The following EFR3A variants were observed in gnomAD, a reference collection of about 807,000 sequenced individuals.
EFR3A encodes the protein protein EFR3 homolog A.
In EFR3A, 76 loss-of-function variants were observed where a neutral mutation model predicts 104.4. That is an observed-to-expected ratio of 0.73 (90% confidence interval 0.60 to 0.88). The LOEUF is 0.88. Ranked by LOEUF, EFR3A falls within the 40% of genes least tolerant of loss-of-function variation. The pLI is 0.00. For missense variants in EFR3A, 985 were observed against 1,012.5 expected, an observed-to-expected ratio of 0.97 and a Z score of 0.37; for synonymous variants, 330 against 330.0, an observed-to-expected ratio of 1.00 and a Z score of 0.00.
Position 132,003,249 on chromosome 8 carries a change from A to G in EFR3A, c.2324A>G (p.His775Arg), listed in dbSNP as rs750719994. 3 of 1,612,792 alleles carry G rather than the reference A, an allele frequency of 1.9e-6. No individual in the cohort carries two copies. The highest frequency in any genetic ancestry group is 2.5e-6 in the Non-Finnish European group (3 of 1,179,342). The change falls in exon 22 of 23, where the codon CAT (histidine) becomes CGT (arginine). Residue 775 changes from histidine to arginine, a missense_variant. Coordinates refer to ENST00000254624, the MANE Select transcript of EFR3A (RefSeq NM_015137.6). ...TCTTTTTTGCAGGCAAATTTGCTTC[A>G]TGATAGACTTGCCCAAATATTGGAA... is the stretch of plus-strand genomic sequence containing the variant. ...AQCESKANLL[H>R]DRLAQILELT...
At chr8:131,976,890 C>A in intron 11 of EFR3A, 151 bp from the exon 12 acceptor site, 1 of 484,426 alleles carries the variant, frequency 2.1e-6, no homozygotes, top group Non-Finnish European at 3.5e-6. Context: ...TGAAATTTTA[C>A]TTTGGCATGT....
At chr8:131,924,606 A>G (rs1382506256) in intron 1 of EFR3A, among the ~76,000 whole-genome samples, 1 of 152,146 alleles carries the variant, frequency 6.6e-6, no homozygotes. Context: ...ACTCCAGAAC[A>G]TCCTGTTTCC....
In EFR3A at chr8:131,952,310, A is replaced by G. The variant is rs192892358; in HGVS notation, c.489-1508A>G. ...ATGCTGTAGATGTGACAGTTGTTCTATTTTACTGATGGGAAACTGTAGAAT... is the reference window on the plus strand; with the variant it reads ...ATGCTGTAGATGTGACAGTTGTTCTGTTTTACTGATGGGAAACTGTAGAAT... On this transcript the variant is annotated intron_variant, in intron 5 of 22. Coordinates refer to ENST00000254624, the MANE Select transcript of EFR3A (RefSeq NM_015137.6). Among the ~76,000 whole-genome samples, 200 of 152,246 alleles carry G rather than the reference A, an allele frequency of 1.3e-3. 1 individual carries two copies. The highest frequency in any genetic ancestry group is 4.5e-3 in the African/African-American group (188 of 41,552).
At chr8:131,925,296 T>C (rs1240274954) in intron 1 of EFR3A, among the ~76,000 whole-genome samples, 1 of 152,180 alleles carries the variant, frequency 6.6e-6, no homozygotes, top group African/African-American at 2.4e-5. Flanking sequence ...TTGTTATGCA[T>C]TATAAATTGT....
In EFR3A at chr8:132,013,406, C is replaced by T. The variant is rs1233414639; in HGVS notation, c.*2511C>T. The T allele has an allele frequency of 6.6e-6, 1 of 152,478 alleles. No homozygotes were observed. Among genetic ancestry groups the T allele is most frequent in the Non-Finnish European group, 1.5e-5 (1 of 68,002 alleles). 9.4% of individuals were successfully genotyped at this position (152,478 alleles called of 1,614,324 possible). Reference sequence around the variant, plus strand: ...AGAATAATAATACTACTACACTTTACCAGCAATTAACTTCTCCCTACCCAA... The same window carrying T: ...AGAATAATAATACTACTACACTTTATCAGCAATTAACTTCTCCCTACCCAA... On this transcript the variant is annotated 3_prime_UTR_variant, in exon 23 of 23. Transcript: ENST00000254624.
At chr8:131,959,725 CACATTAT>C (rs1819208817) in intron 8 of EFR3A, 62 bp downstream of exon 8, 1 of 1,173,928 alleles carries the variant, frequency 8.5e-7, no homozygotes, top group African/African-American at 1.5e-5. Context: ...TATGGATAAG[CACATTAT>C]CAAACAGATG....
chr8:131,966,108 G>A (rs765354116), intron 8 of EFR3A, among the ~76,000 whole-genome samples: 3 of 152,024 alleles, frequency 2.0e-5, no homozygotes, highest in South Asian at 2.1e-4. Context: ...TATACCTAAC[G>A]TAAATGACGA....
At chr8:131,960,883 C>A (rs1433609691) in intron 8 of EFR3A, among the ~76,000 whole-genome samples, 8 of 152,158 alleles carry the variant, frequency 5.3e-5, no homozygotes, top group Admixed American at 5.2e-4. Context: ...TTTCTGCAGG[C>A]AGCAACATTT....
At chr8:131,996,235 C>T (rs1252320185) in intron 18 of EFR3A, among the ~76,000 whole-genome samples, 171 bp from the exon 19 acceptor site, 4 of 151,804 alleles carry the variant, frequency 2.6e-5, no homozygotes, top group African/African-American at 4.8e-5. Context: ...ATCTGCTTCA[C>T]GAAATGTAAA....
At chr8:131,992,638 T>C (rs1445378474) in intron 18 of EFR3A, among the ~76,000 whole-genome samples, 1 of 152,164 alleles carries the variant, frequency 6.6e-6, no homozygotes, top group Non-Finnish European at 1.5e-5. Context: ...TTTAACACTT[T>C]AAGGAAGCGA....
At chr8:131,997,171 A>G (rs1393734925) in intron 19 of EFR3A, among the ~76,000 whole-genome samples, 3 of 152,050 alleles carry the variant, frequency 2.0e-5, no homozygotes, top group Non-Finnish European at 4.4e-5. Flanking sequence ...TCACCAGAGA[A>G]TTTTTTCATA....
At chr8:131,976,475 G>T (rs80212798) in intron 11 of EFR3A, among the ~76,000 whole-genome samples, 3 of 151,908 alleles carry the variant, frequency 2.0e-5, no homozygotes, top group Non-Finnish European at 4.4e-5. Context: ...AGAAATATTG[G>T]CTTATTCCTA....
At chr8:131,918,966 A>G (rs550839410) in intron 1 of EFR3A, among the ~76,000 whole-genome samples, 19 of 152,308 alleles carry the variant, frequency 1.2e-4, no homozygotes, top group African/African-American at 4.6e-4. Flanking sequence ...GATCCTAGTC[A>G]TTGCCTGTGA....
chr8:131,958,880 CT>C (rs1819161840), intron 7 of EFR3A, among the ~76,000 whole-genome samples: 1 of 152,150 alleles, frequency 6.6e-6, no homozygotes, highest in African/African-American at 2.4e-5. Context: ...ACCTTATATA[CT>C]TTATCTTACT....
intron 19 of EFR3A, chr8:132,000,888 G>T (rs1376669932): frequency 1.3e-5 from 2 of 152,158 alleles, no homozygotes; most frequent in African/African-American, 2.4e-5. Flanking sequence ...CCTTTGTATT[G>T]CAGAGAAGCT....
At chr8:131,956,215 T>C (rs913666574) in intron 7 of EFR3A, among the ~76,000 whole-genome samples, 7 of 152,212 alleles carry the variant, frequency 4.6e-5, no homozygotes, top group Admixed American at 3.9e-4. Flanking sequence ...AAACAGTGTC[T>C]AAGCATGATG....
intron 10 of EFR3A, among the ~76,000 whole-genome samples, chr8:131,971,406 A>G (rs1407333914): frequency 2.0e-5 from 3 of 152,168 alleles, no homozygotes; most frequent in African/African-American, 7.2e-5. Flanking sequence ...CCTTGTGATT[A>G]GGCCGTGCGC....
At chr8:131,980,862 T>C (rs904665446) in intron 14 of EFR3A, among the ~76,000 whole-genome samples, 3 of 152,088 alleles carry the variant, frequency 2.0e-5, no homozygotes, top group Non-Finnish European at 2.9e-5. Flanking sequence ...CATTCTCTAC[T>C]TCTGTGAGTT....
At chr8:131,975,847 G>A (rs78557957) in intron 10 of EFR3A, among the ~76,000 whole-genome samples, 180 bp from the exon 11 acceptor site, 3,358 of 152,086 alleles carry the variant, frequency 0.022, 60 homozygotes, top group African/African-American at 0.045. Context: ...AGTTTATATT[G>A]TACATAACTA....
Sources: gnomAD v4.1 joint callset for allele counts (sites outside exome capture counted in the v4.1 genomes callset) on GRCh38, gnomAD v4.1.1 for gene constraint, MANE v1.5 for transcripts, NCBI Gene and HGNC (gene_info 2026-07-23, HGNC 2026-07-21) for gene names.